Variants in SCN9A observed in about 807,000 individuals in gnomAD.
SCN9A encodes sodium channel protein type 9 subunit alpha.
In SCN9A, 131 loss-of-function variants were observed where a neutral mutation model predicts 187.0. The observed-to-expected ratio is 0.70, with a 90% CI of 0.61 to 0.81. The LOEUF is 0.81. Ranked by LOEUF, SCN9A falls within the 30% of genes least tolerant of loss-of-function variation. The pLI is 0.00. For missense variants in SCN9A, 2,252 were observed against 2,396.6 expected (o/e 0.94, Z 1.26); for synonymous variants, 809 against 808.6 (o/e 1.00, Z -0.01).
intron 24 of SCN9A, among the ~76,000 whole-genome samples, chr2:166,212,031 G>A (rs902852557): frequency 6.6e-6 from 1 of 152,218 alleles, no homozygotes; most frequent in East Asian, 1.9e-4. Flanking sequence ...CCAGATACTC[G>A]TTTCAGATTT....
chr2:166,294,664 T>G lies in SCN9A; in HGVS notation c.902-2A>C, dbSNP rs773824421. 12 of 1,599,798 alleles carry G rather than the reference T, an allele frequency of 7.5e-6. No homozygotes were observed. The Admixed American group carries it at 2.0e-4, about 27-fold the overall frequency. On this transcript the variant is annotated splice_acceptor_variant, in intron 7 of 26. Transcript: ENST00000642356. LOFTEE classifies it high-confidence loss of function. Reference sequence around the variant, plus strand: ...ATCCTTCCAAGTAATAAAAATATTCTGTTGAAGAAGAATTTGAACAGTTAT... The same window carrying G: ...ATCCTTCCAAGTAATAAAAATATTCGGTTGAAGAAGAATTTGAACAGTTAT...
intron 23 of SCN9A, among the ~76,000 whole-genome samples, chr2:166,227,184 A>T (rs547050665): frequency 1.3e-5 from 2 of 152,254 alleles, no homozygotes; most frequent in South Asian, 4.1e-4. Flanking sequence ...TTTCACATAA[A>T]CTCATCCAAG....
intron 1 of SCN9A, among the ~76,000 whole-genome samples, chr2:166,321,794 T>A (rs1699250007): frequency 6.9e-5 from 1 of 14,512 alleles, no homozygotes; most frequent in Non-Finnish European, 1.5e-4. Flanking sequence ...TGGCAAAATC[T>A]TTTTTTTTTT....
rs1694953889 is a variant in SCN9A, at chr2:166,228,737, A to T, written c.4160T>A (p.Val1387Glu). Residue 1387 changes from valine to glutamate, a missense_variant, in exon 22 of 27, where the codon GTG becomes GAG. Physicochemically the swap from Val to Glu is moderately radical, Grantham distance 121. Around this residue, in one of 7 missense-constraint regions of SCN9A, gnomAD observed 368 missense variants for 408.6 expected, o/e 0.90. Coordinates refer to ENST00000642356, the MANE Select transcript of SCN9A (RefSeq NM_001365536.1). The stretch of plus-strand genomic sequence containing the variant: ...ACCAAGTCCGACATTATCAAAGTTC[A>T]CTTTCAGGTTTTTCCATCGCACATT... ...SQNVRWKNLKVNFDNVGLGYL... is the reference protein window; with the variant it reads ...SQNVRWKNLKENFDNVGLGYL... The T allele has an allele frequency of 6.2e-7, 1 of 1,613,582 alleles. No individual in the cohort carries two copies. The highest frequency in any genetic ancestry group is 1.1e-5 in the South Asian group (1 of 91,072).
At chr2:166,229,065 G>C in intron 21 of SCN9A, 93 bp from the exon 22 acceptor site, 1 of 1,029,278 alleles carries the variant, frequency 9.7e-7, no homozygotes, top group South Asian at 1.7e-5. Flanking sequence ...AAATAAATTA[G>C]AAAAGCCGCC....
intron 1 of SCN9A, among the ~76,000 whole-genome samples, chr2:166,358,993 C>T (rs1318692903): frequency 5.9e-5 from 9 of 152,096 alleles, no homozygotes; most frequent in Admixed American, 5.9e-4. Flanking sequence ...CCCAGGTGTC[C>T]CAATGATAAC....
chr2:166,311,201 A>G (rs1050672988), intron 2 of SCN9A, among the ~76,000 whole-genome samples: 26 of 140,006 alleles, frequency 1.9e-4, no homozygotes, highest in African/African-American at 5.8e-4. Context: ...TACATATGTA[A>G]CTAACCTGCA....
At chr2:166,358,305 T>G (rs6753017) in intron 1 of SCN9A, among the ~76,000 whole-genome samples, 78,425 of 151,692 alleles carry the variant, frequency 0.52, 21,338 homozygotes, top group African/African-American at 0.69. Context: ...CCTGACCTCA[T>G]GTGATCCACC....
chr2:166,317,860 C>T (rs1379728980), intron 1 of SCN9A, among the ~76,000 whole-genome samples: 3 of 151,822 alleles, frequency 2.0e-5, no homozygotes, highest in African/African-American at 4.8e-5. Flanking sequence ...CAGAGGAAGA[C>T]AAAAAAAGTT....
intron 1 of SCN9A, among the ~76,000 whole-genome samples, chr2:166,348,492 T>C (rs1699956663): frequency 6.6e-6 from 1 of 152,198 alleles, no homozygotes; most frequent in Admixed American, 6.5e-5. Flanking sequence ...GCTTTTTCTC[T>C]TTATCTTTTA....
chr2:166,279,768 C>T (rs1422105152), intron 14 of SCN9A, among the ~76,000 whole-genome samples: 4 of 151,624 alleles, frequency 2.6e-5, no homozygotes, highest in African/African-American at 9.7e-5. Flanking sequence ...TTAATCCTCC[C>T]AAGAATATGA....
At chr2:166,206,851 A>C (rs1385301498) in intron 24 of SCN9A, among the ~76,000 whole-genome samples, 2 of 152,180 alleles carry the variant, frequency 1.3e-5, no homozygotes, top group Non-Finnish European at 2.9e-5. Flanking sequence ...TTCAACATAA[A>C]CACTTTATTG....
chr2:166,256,763 T>C (rs1696295158), intron 17 of SCN9A, among the ~76,000 whole-genome samples: 1 of 151,528 alleles, frequency 6.6e-6, no homozygotes, highest in African/African-American at 2.4e-5. Context: ...GTCAACATGA[T>C]ATATAGTATT....
At chr2:166,313,577 T>A (rs766299085) in intron 1 of SCN9A, among the ~76,000 whole-genome samples, 4 of 152,202 alleles carry the variant, frequency 2.6e-5, no homozygotes, top group Non-Finnish European at 5.9e-5. Flanking sequence ...ATTGGAGTTA[T>A]GGCCTTGCTG....
Position 166,340,597 on chromosome 2 carries a change from T to G in SCN9A, c.-50-28791A>C, listed in dbSNP as rs1260262950. 1.9e-3 allele frequency among the ~76,000 whole-genome samples: 231 copies of G among 119,728 alleles called. 9 individuals carry two copies. Among genetic ancestry groups the G allele is most frequent in the African/African-American group, 9.0e-3 (227 of 25,244 alleles). The allele number at this position is 119,728 out of a possible 152,430, so 78.5% of individuals were successfully genotyped here. A position where few individuals can be genotyped will look rare whatever the true frequency, so the allele number is the denominator to read the frequency against. On this transcript the variant is annotated intron_variant, in intron 1 of 26. Coordinates refer to ENST00000642356, the MANE Select transcript of SCN9A (RefSeq NM_001365536.1). ...TTCTTTCTTTCTTTCTTTCTTTCTTTCTTTCTTTTTCTTTCTTTCTTTCCT... is the reference window on the plus strand; with the variant it reads ...TTCTTTCTTTCTTTCTTTCTTTCTTGCTTTCTTTTTCTTTCTTTCTTTCCT...
At chr2:166,324,145 T>C (rs1699308225) in intron 1 of SCN9A, among the ~76,000 whole-genome samples, 1 of 151,812 alleles carries the variant, frequency 6.6e-6, no homozygotes, top group African/African-American at 2.4e-5. Context: ...ATTACAACAA[T>C]TAGCCAGGTG....
chr2:166,198,798 A>G lies in SCN9A; in HGVS notation c.5841T>C (p.Asp1947=), dbSNP rs1478515713. ...GTGGAGAGGTGGTGGATGAAGTGGC[A>G]TCTGTTTTTTCTGGACTTGAGTTCT... ...VNENSSPEKT[D]ATSSTTSPPS... The change falls in exon 27 of 27, where the codon GAT becomes GAC. Residue 1947 remains aspartate, a synonymous_variant. Coordinates refer to ENST00000642356, the MANE Select transcript of SCN9A (RefSeq NM_001365536.1). The G allele has an allele frequency of 6.2e-7, 1 of 1,613,176 alleles. No individual in the cohort carries two copies. The highest frequency in any genetic ancestry group is 8.5e-7 in the Non-Finnish European group (1 of 1,179,374).
chr2:166,281,494 T>C lies in SCN9A; in HGVS notation c.2104+185A>G, dbSNP rs1697484401. ...AATGTCTGTGTTTAATAGCAAATAA[T>C]TTTATCCATTTTTAAGCACATAAAA... On this transcript the variant is annotated intron_variant, in intron 13 of 26. Transcript: ENST00000642356. Among the ~76,000 whole-genome samples, 3 of 152,156 alleles carry C rather than the reference T, an allele frequency of 2.0e-5. No homozygotes were observed. The South Asian group carries it at 6.2e-4, about 32-fold the overall frequency.
At chr2:166,320,039 A>C (rs1249102799) in intron 1 of SCN9A, among the ~76,000 whole-genome samples, 2 of 152,168 alleles carry the variant, frequency 1.3e-5, no homozygotes, top group African/African-American at 4.8e-5. Flanking sequence ...AAATAAAATA[A>C]ATTCCTCATT....
Sources: gnomAD v4.1 joint callset for allele counts (sites outside exome capture counted in the v4.1 genomes callset) on GRCh38, gnomAD v4.1.1 for gene constraint, gnomAD v4.1.1 regional missense constraint, MANE v1.5 for transcripts, NCBI Gene and HGNC (gene_info 2026-07-23, HGNC 2026-07-21) for gene names.